The following ERICH3 variants were observed in gnomAD, a reference collection of about 807,000 sequenced individuals.
ERICH3 encodes glutamate rich 3.
Under a neutral mutation model 131.1 loss-of-function variants are expected in ERICH3, and 126 were observed. The ratio of observed to expected loss-of-function variants is 0.96; its 90% CI spans 0.83 to 1.11. The LOEUF (loss-of-function observed/expected upper bound fraction) is 1.11. Among genes scored for constraint, ERICH3 ranks in the 50% most tolerant of loss-of-function variants. ERICH3 has a pLI of 0.00. For synonymous variants in ERICH3, 695 were observed against 644.6 expected (o/e 1.08, Z -1.18); for missense variants, 2,050 against 1,810.7 (o/e 1.13, Z -2.40).
At chr1:74,634,641 G>A in intron 6 of ERICH3, 1 of 714,346 alleles carries the variant, frequency 1.4e-6, no homozygotes, top group Non-Finnish European at 2.6e-6. Context: ...AATAATTATG[G>A]AACTTAAAAA....
intron 8 of ERICH3, among the ~76,000 whole-genome samples, chr1:74,613,020 A>G (rs1166551202): frequency 1.3e-5 from 2 of 152,006 alleles, no homozygotes; most frequent in Non-Finnish European, 2.9e-5. Context: ...TGAGCTAAAA[A>G]CAAAAAAAAA....
chr1:74,603,757 T>G (rs1648257351), intron 10 of ERICH3, among the ~76,000 whole-genome samples: 1 of 151,898 alleles, frequency 6.6e-6, no homozygotes, highest in Admixed American at 6.6e-5. Flanking sequence ...AAAAACCCAA[T>G]GTATACACCT....
chr1:74,589,480 T>C (rs544239700), intron 12 of ERICH3, 151 bp downstream of exon 12: 6 of 738,550 alleles, frequency 8.1e-6, no homozygotes, highest in Admixed American at 4.7e-5. Flanking sequence ...AATACATGTA[T>C]GATTATGTGA....
At chr1:74,656,663 T>A (rs933286264) in intron 1 of ERICH3, among the ~76,000 whole-genome samples, 1 of 152,210 alleles carries the variant, frequency 6.6e-6, no homozygotes, top group Non-Finnish European at 1.5e-5. Flanking sequence ...TAAAGCTTCA[T>A]CATTTTTGGA....
intron 2 of ERICH3, among the ~76,000 whole-genome samples, chr1:74,647,631 C>T (rs923929497): frequency 1.3e-5 from 2 of 152,080 alleles, no homozygotes; most frequent in African/African-American, 4.8e-5. Flanking sequence ...TTTCTATCCC[C>T]TGTAAACGAA....
chr1:74,571,068 A>G (rs920878132), intron 14 of ERICH3, 31 bp downstream of exon 14: 1 of 1,568,572 alleles, frequency 6.4e-7, no homozygotes. Flanking sequence ...GCTGCTATTT[A>G]GTCCTACAAA....
chr1:74,647,777 A>T (rs149265801), intron 2 of ERICH3, among the ~76,000 whole-genome samples: 1 of 152,274 alleles, frequency 6.6e-6, no homozygotes, highest in East Asian at 1.9e-4. Context: ...AACACACTGG[A>T]GTATTAAGAT....
intron 5 of ERICH3, among the ~76,000 whole-genome samples, chr1:74,639,185 T>C (rs1304554972): frequency 6.6e-6 from 1 of 152,192 alleles, no homozygotes; most frequent in Non-Finnish European, 1.5e-5. Context: ...TTTTGAACTT[T>C]GTAAAACAAA....
chr1:74,631,257 C>A (rs1433992426), intron 7 of ERICH3, among the ~76,000 whole-genome samples: 1 of 152,056 alleles, frequency 6.6e-6, no homozygotes, highest in South Asian at 2.1e-4. Context: ...ATCAGTACAA[C>A]AAACTGTAAT....
intron 5 of ERICH3, among the ~76,000 whole-genome samples, chr1:74,638,376 G>T (rs1328934382): frequency 6.6e-6 from 1 of 152,152 alleles, no homozygotes. Flanking sequence ...TAAAATACCT[G>T]AGACCAGAAC....
At chr1:74,614,740 G>A (rs1217917925) in intron 8 of ERICH3, among the ~76,000 whole-genome samples, 1 of 151,748 alleles carries the variant, frequency 6.6e-6, no homozygotes, top group African/African-American at 2.4e-5. Context: ...TATTAAAAAG[G>A]TAATTCAGTC....
chr1:74,666,126 G>A (rs1392111890), intron 1 of ERICH3, among the ~76,000 whole-genome samples: 1 of 152,022 alleles, frequency 6.6e-6, no homozygotes, highest in African/African-American at 2.4e-5. Flanking sequence ...AAAGAGAAGA[G>A]GATAATGAGG....
chr1:74,571,787 G>C lies in ERICH3; in HGVS notation c.3923C>G (p.Ala1308Gly), dbSNP rs138615520. 6.2e-7 allele frequency: 1 copy of C among 1,613,740 alleles called. No homozygotes were observed. The highest frequency in any genetic ancestry group is 8.5e-7 in the Non-Finnish European group (1 of 1,180,012). ...CCCTTCCGAGTTCCTGTCCTGCATC[G>C]CTTCTGTCTCCAGAGTGCACTCTTT... ...EDKECTLETE[A>G]MQDRNSEGDG... The change falls in exon 14 of 15, where the codon GCG becomes GGG. Residue 1308 changes from alanine (A) to glycine (G), a missense_variant. Transcript: ENST00000326665.
At chr1:74,668,695 A>G (rs1180776257) in intron 1 of ERICH3, among the ~76,000 whole-genome samples, 1 of 152,206 alleles carries the variant, frequency 6.6e-6, no homozygotes, top group East Asian at 1.9e-4. Context: ...ATACATATAT[A>G]TATTTAAAAG....
Position 74,636,408 on chromosome 1 carries a change from T to C in ERICH3, c.475A>G (p.Asn159Asp), listed in dbSNP as rs1291803035. Residue 159 changes from asparagine (N) to aspartate (D), a missense_variant, in exon 6 of 15, where the codon AAT becomes GAT. Coordinates refer to ENST00000326665, the MANE Select transcript of ERICH3 (RefSeq NM_001002912.5). The stretch of plus-strand genomic sequence containing the variant: ...TGTAATCGAATTGGAGGCTGCATAT[T>C]TCCTGGAGCAGTATATGGTCGAGGG... ...TAPRPYTAPG[N>D]MQPPIRLQPL... 1 of 1,612,974 alleles carries C rather than the reference T, an allele frequency of 6.2e-7. No individual in the cohort carries two copies. Among genetic ancestry groups the C allele is most frequent in the South Asian group, 1.1e-5 (1 of 90,946 alleles).
intron 1 of ERICH3, among the ~76,000 whole-genome samples, chr1:74,649,743 T>G (rs59532183): frequency 0.048 from 7,359 of 152,188 alleles, 599 homozygotes; most frequent in African/African-American, 0.17. Flanking sequence ...TAACTCAAAC[T>G]TACCTGCTGT....
intron 9 of ERICH3, among the ~76,000 whole-genome samples, chr1:74,610,965 C>A (rs185893832): frequency 6.6e-4 from 100 of 152,274 alleles, no homozygotes; most frequent in African/African-American, 2.4e-3. Context: ...TATTCACTGC[C>A]TTTCCTTCTT....
intron 8 of ERICH3, among the ~76,000 whole-genome samples, chr1:74,615,961 C>A (rs1372766091): frequency 6.6e-6 from 1 of 151,976 alleles, no homozygotes; most frequent in Non-Finnish European, 1.5e-5. Flanking sequence ...GTTCTATGGG[C>A]CTGTGACTGT....
chr1:74,579,065 G>T (rs1047821246), intron 12 of ERICH3, among the ~76,000 whole-genome samples: 5 of 152,250 alleles, frequency 3.3e-5, no homozygotes, highest in African/African-American at 1.2e-4. Flanking sequence ...TCAAGACAAT[G>T]ATGTAATAGT....
Sources: allele counts gnomAD v4.1 joint callset (sites outside exome capture counted in the v4.1 genomes callset), GRCh38; gene constraint gnomAD v4.1.1; transcripts MANE v1.5; gene names NCBI Gene and HGNC (gene_info 2026-07-23, HGNC 2026-07-21).